Variants in NSL1 observed in about 807,000 individuals in gnomAD.
NSL1 encodes the protein kinetochore-associated protein NSL1 homolog.
NSL1 carries 11 observed loss-of-function variants against 25.4 expected under a neutral mutation model. The ratio of observed to expected loss-of-function variants is 0.43; its 90% CI spans 0.27 to 0.72. NSL1 has a LOEUF of 0.72. Ranked by LOEUF, NSL1 falls within the 30% of genes least tolerant of loss-of-function variation. The pLI, the probability that NSL1 is intolerant of heterozygous loss-of-function variation, is 0.19. For synonymous variants in NSL1, 118 were observed against 120.6 expected (o/e 0.98, Z 0.14); for missense variants, 330 against 342.7 (o/e 0.96, Z 0.29).
chr1:212,780,516 G>GA (rs1660684404), intron 4 of NSL1, among the ~76,000 whole-genome samples: 1 of 108,234 alleles, frequency 9.2e-6, no homozygotes, highest in Non-Finnish European at 2.1e-5. Context: ...AAAAAAAAAA[G>GA]GAAAAAAAAA....
chr1:212,779,369 T>A (rs1388448451), intron 4 of NSL1, among the ~76,000 whole-genome samples: 1 of 111,542 alleles, frequency 9.0e-6, no homozygotes, highest in Non-Finnish European at 1.8e-5. Flanking sequence ...CCGCCCCATC[T>A]CAGAGGGAGG....
chr1:212,787,054 T>C (rs1337993002), intron 2 of NSL1, among the ~76,000 whole-genome samples: 1 of 151,264 alleles, frequency 6.6e-6, no homozygotes, highest in African/African-American at 2.4e-5. Context: ...TCCCAGCAAC[T>C]AGGGAGGCTG....
intron 4 of NSL1, among the ~76,000 whole-genome samples, chr1:212,773,049 G>A (rs145690611): frequency 2.7e-4 from 41 of 152,128 alleles, no homozygotes; most frequent in African/African-American, 8.2e-4. Context: ...AGCTCAAGAC[G>A]GATTAATGAC....
intron 4 of NSL1, among the ~76,000 whole-genome samples, chr1:212,759,068 T>C (rs935703831): frequency 3.3e-5 from 5 of 151,994 alleles, no homozygotes; most frequent in African/African-American, 1.2e-4. Flanking sequence ...GATATATACA[T>C]ACAAAAGAAT....
chr1:212,741,125 C>A (rs1658482586), intron 4 of NSL1, among the ~76,000 whole-genome samples: 1 of 152,042 alleles, frequency 6.6e-6, no homozygotes. Flanking sequence ...GAAATAACAT[C>A]ATAATTTCTA....
intron 4 of NSL1, among the ~76,000 whole-genome samples, chr1:212,754,613 C>T (rs972289512): frequency 1.4e-4 from 21 of 151,980 alleles, no homozygotes; most frequent in Non-Finnish European, 2.9e-4. Flanking sequence ...CCCGCCTCTA[C>T]TAAAAATACA....
At position 212,734,838 on chromosome 1, in the gene NSL1, G is replaced by A. The variant is rs1294373767; in HGVS notation, c.*3570C>T. 6.6e-6 allele frequency among the ~76,000 whole-genome samples: 1 copy of A among 152,130 alleles called. No individual in the cohort carries two copies. Among genetic ancestry groups the A allele is most frequent in the East Asian group, 1.9e-4 (1 of 5,202 alleles). On this transcript the variant is annotated 3_prime_UTR_variant, in exon 6 of 6. Transcript: ENST00000366977. ...CATCTATCATACCATTTGCTGCATG[G>A]CATTATCATTGTTTGCACACTCATC...
chr1:212,763,048 G>A lies in NSL1; in HGVS notation c.499+19324C>T, dbSNP rs144197550. ...TTATGGGCATATGGAGAAAGGCATG[G>A]TTATGGCCTTGGGCAGGTCTGAGTT... On this transcript the variant is annotated intron_variant, in intron 4 of 5. Transcript: ENST00000366977. Among the ~76,000 whole-genome samples, 683 of 152,332 alleles carry A rather than the reference G, an allele frequency of 4.5e-3. 7 individuals are homozygous for A. The highest frequency in any genetic ancestry group is 0.016 in the African/African-American group (663 of 41,580).
At chr1:212,789,767 T>G (rs951169076) in intron 1 of NSL1, among the ~76,000 whole-genome samples, 3 of 152,186 alleles carry the variant, frequency 2.0e-5, no homozygotes, top group Admixed American at 6.5e-5. Context: ...CTAAATAGGA[T>G]ATAATAGGTT....
At chr1:212,739,444 G>C in intron 5 of NSL1, 90 bp downstream of exon 5, 1 of 1,175,912 alleles carries the variant, frequency 8.5e-7, no homozygotes, top group Non-Finnish European at 1.2e-6. Flanking sequence ...ATTCCTGTTA[G>C]AGCAGACTAA....
chr1:212,765,759 C>T (rs540511110), intron 4 of NSL1, among the ~76,000 whole-genome samples: 7 of 151,546 alleles, frequency 4.6e-5, no homozygotes, highest in South Asian at 2.1e-4. Flanking sequence ...TGAGCCAGAT[C>T]GCACCACTGC....
intron 4 of NSL1, among the ~76,000 whole-genome samples, chr1:212,769,296 G>A (rs185758740): frequency 6.6e-6 from 1 of 152,044 alleles, no homozygotes; most frequent in South Asian, 2.1e-4. Flanking sequence ...ATCCCAAAAG[G>A]TCTTCACCAA....
intron 4 of NSL1, among the ~76,000 whole-genome samples, chr1:212,774,943 A>G (rs1020512188): frequency 7.9e-5 from 12 of 152,220 alleles, no homozygotes; most frequent in African/African-American, 2.7e-4. Context: ...AAATGTCTGT[A>G]CATTCTAGTG....
chr1:212,767,192 T>C (rs1659860258), intron 4 of NSL1, among the ~76,000 whole-genome samples: 1 of 152,158 alleles, frequency 6.6e-6, no homozygotes, highest in African/African-American at 2.4e-5. Context: ...CTTCAAACTA[T>C]ACTGTTAGGC....
At chr1:212,784,135 T>C (rs1660842242) in intron 3 of NSL1, 1 of 262,504 alleles carries the variant, frequency 3.8e-6, no homozygotes, top group East Asian at 6.8e-5. Context: ...ACTATAACTT[T>C]CATTTTTTTC....
At chr1:212,755,726 G>A (rs1348741265) in intron 4 of NSL1, among the ~76,000 whole-genome samples, 1 of 151,352 alleles carries the variant, frequency 6.6e-6, no homozygotes, top group Non-Finnish European at 1.5e-5. Flanking sequence ...CGAAGTTATG[G>A]TATATTTCAT....
intron 4 of NSL1, among the ~76,000 whole-genome samples, chr1:212,762,745 T>A (rs1441314953): frequency 6.6e-6 from 1 of 152,148 alleles, no homozygotes; most frequent in Non-Finnish European, 1.5e-5. Flanking sequence ...GGAATGGATT[T>A]AGTCTATGTG....
In NSL1 at chr1:212,787,641, C is replaced by T. The variant is rs370059241; in HGVS notation, c.235-4G>A. ...CTTGCACAGCTGATTCAAAAGTCTG[C>T]AATAAATTCACAGTAGTCAAGTCAC... is the stretch of plus-strand genomic sequence containing the variant. On this transcript the variant is annotated splice_polypyrimidine_tract_variant and splice_region_variant and intron_variant, in intron 1 of 5. Transcript: ENST00000366977. The T allele has an allele frequency of 4.4e-6, 7 of 1,585,784 alleles. No individual in the cohort carries two copies. Among genetic ancestry groups the T allele is most frequent in the Non-Finnish European group, 6.0e-6 (7 of 1,166,212 alleles).
intron 4 of NSL1, among the ~76,000 whole-genome samples, chr1:212,764,307 T>A (rs1187290098): frequency 6.6e-5 from 10 of 152,222 alleles, no homozygotes; most frequent in Non-Finnish European, 1.2e-4. Flanking sequence ...CAGTGTTAAA[T>A]GTCTACATCA....
Sources: gnomAD v4.1 joint callset for allele counts (sites outside exome capture counted in the v4.1 genomes callset) on GRCh38, gnomAD v4.1.1 for gene constraint, MANE v1.5 for transcripts, NCBI Gene and HGNC (gene_info 2026-07-23, HGNC 2026-07-21) for gene names.